The following TRPM3 variants were observed in gnomAD, a reference collection of about 807,000 sequenced individuals.
The protein encoded by TRPM3 is long transient receptor potential channel 3.
A neutral mutation model predicts 181.2 loss-of-function variants in TRPM3; 77 were observed. The observed-to-expected ratio is 0.42, with a 90% CI of 0.35 to 0.51. The LOEUF (loss-of-function observed/expected upper bound fraction) is 0.51, where lower values mean the gene tolerates loss of function less well. Ranked by LOEUF, TRPM3 falls within the 20% of genes least tolerant of loss-of-function variation. The probability of loss-of-function intolerance (pLI) is 0.01; values close to 1 mark genes in which losing one functional copy is unlikely to be tolerated. For missense variants in TRPM3, 1,759 were observed against 2,196.7 expected (o/e 0.80, Z 3.98); for synonymous variants, 745 against 796.4 (o/e 0.94, Z 1.09).
intron 1 of TRPM3, among the ~76,000 whole-genome samples, chr9:71,116,806 A>G (rs2134301990): frequency 6.6e-6 from 1 of 152,334 alleles, no homozygotes; most frequent in South Asian, 2.1e-4. Context: ...AAGGCAGGGT[A>G]TATAACAAAA....
chr9:70,991,052 T>C (rs1424745179), intron 1 of TRPM3, among the ~76,000 whole-genome samples: 1 of 152,174 alleles, frequency 6.6e-6, no homozygotes, highest in African/African-American at 2.4e-5. Flanking sequence ...GGCTTTCTCA[T>C]CTCTCACCTG....
At chr9:70,969,756 T>TTATA (rs78938143) in intron 1 of TRPM3, among the ~76,000 whole-genome samples, 1,648 of 126,572 alleles carry the variant, frequency 0.013, 34 homozygotes, top group African/African-American at 0.015. Context: ...CTGAATGATT[T>TTATA]TATATATATA....
At chr9:71,389,273 A>G (rs2093001435) in intron 1 of TRPM3, among the ~76,000 whole-genome samples, 1 of 152,096 alleles carries the variant, frequency 6.6e-6, no homozygotes, top group Non-Finnish European at 1.5e-5. Context: ...TCAAAACCAC[A>G]ATGTGATACC....
rs755967584 is a variant in TRPM3, at chr9:71,194,109, T to C, written c.183+252544A>G. On this transcript the variant is annotated intron_variant, in intron 1 of 24. Transcript: ENST00000357533. ...TGTAATTTGTCACCATAATGGGTAG[T>C]TTGAATCAGATTCCCTCCATTCCCA... is the stretch of plus-strand genomic sequence containing the variant. Among the ~76,000 whole-genome samples the C allele has an allele frequency of 9.3e-4, 142 of 151,970 alleles. 3 individuals are homozygous for C. The highest frequency in any genetic ancestry group is 2.2e-4 in the Non-Finnish European group (15 of 67,920).
Position 70,552,891 on chromosome 9 carries a change from C to T in TRPM3, c.3527G>A (p.Arg1176Gln), listed in dbSNP as rs764458021. 57 of 1,614,018 alleles carry T rather than the reference C, an allele frequency of 3.5e-5. No individual in the cohort carries two copies. Among genetic ancestry groups the T allele is most frequent in the Non-Finnish European group, 3.9e-5 (46 of 1,180,036 alleles). ...MTMIFQHLCC[R>Q]WRKHESDPDE... ...CGGGTCGCTCTCGTGTTTCCTCCAT[C>T]GGCAGCACAGGTGCTGGAATATCAT... Residue 1176 changes from arginine (R) to glutamine (Q), a missense_variant, in exon 24 of 26, where the codon CGA (arginine) becomes CAA (glutamine). By Grantham distance (43) the Arg-to-Gln change is conservative. Around this residue, in one of 8 missense-constraint regions of TRPM3, gnomAD observed 96 missense variants for 129.6 expected, o/e 0.74. Coordinates refer to ENST00000677713, the MANE Select transcript of TRPM3 (RefSeq NM_001366145.2).
chr9:71,081,838 A>G (rs2064398376), intron 1 of TRPM3, among the ~76,000 whole-genome samples: 1 of 152,200 alleles, frequency 6.6e-6, no homozygotes, highest in Admixed American at 6.6e-5. Context: ...GAAAGTGTAC[A>G]AACATCTGTC....
At chr9:71,283,803 T>A (rs1190383026) in intron 1 of TRPM3, among the ~76,000 whole-genome samples, 1 of 152,220 alleles carries the variant, frequency 6.6e-6, no homozygotes, top group Admixed American at 6.5e-5. Flanking sequence ...CTACCACCCC[T>A]CTTCAGGAGT....
intron 1 of TRPM3, among the ~76,000 whole-genome samples, chr9:71,161,759 G>C (rs1342629313): frequency 6.6e-6 from 1 of 152,092 alleles, no homozygotes; most frequent in Non-Finnish European, 1.5e-5. Context: ...CTTTAAGAAA[G>C]ATGCTACATT....
intron 1 of TRPM3, among the ~76,000 whole-genome samples, chr9:71,004,723 A>G (rs2097654852): frequency 6.6e-6 from 1 of 152,228 alleles, no homozygotes; most frequent in East Asian, 1.9e-4. Context: ...ATGTGGATAG[A>G]TAACTAAATG....
intron 1 of TRPM3, among the ~76,000 whole-genome samples, chr9:70,938,889 C>T (rs2096856333): frequency 6.6e-6 from 1 of 150,938 alleles, no homozygotes; most frequent in African/African-American, 2.4e-5. Context: ...ACCTGGGAGG[C>T]AGAGCTTGCA....
chr9:71,365,133 T>C (rs1222520338), intron 1 of TRPM3, among the ~76,000 whole-genome samples: 1 of 152,174 alleles, frequency 6.6e-6, no homozygotes, highest in Non-Finnish European at 1.5e-5. Flanking sequence ...TTTAGTGCAA[T>C]GTAGACAGAC....
intron 1 of TRPM3, among the ~76,000 whole-genome samples, chr9:70,990,284 AAAC>A (rs984951455): frequency 1.3e-5 from 2 of 152,190 alleles, no homozygotes; most frequent in African/African-American, 4.8e-5. Flanking sequence ...TACAGGCATG[AAAC>A]AACAATACAT....
intron 1 of TRPM3, among the ~76,000 whole-genome samples, chr9:71,177,648 T>C (rs1011829714): frequency 1.1e-4 from 16 of 152,254 alleles, no homozygotes; most frequent in African/African-American, 3.4e-4. Flanking sequence ...TCTTTTCACA[T>C]ACTTAAATAT....
rs553963797 is a variant in TRPM3 at position 71,239,485 on chromosome 9, G to A, written c.183+207168C>T. 5.3e-5 allele frequency among the ~76,000 whole-genome samples: 8 copies of A among 152,150 alleles called. No individual in the cohort carries two copies. The South Asian group carries it at 1.7e-3, about 32-fold the overall frequency. ...GCCTGCTCCAAGTAATACACACAAT[G>A]ATCCGAGTAGTTTTTTAATCATTAA... is the stretch of plus-strand genomic sequence containing the variant. On this transcript the variant is annotated intron_variant, in intron 1 of 24. Transcript: ENST00000357533.
intron 1 of TRPM3, among the ~76,000 whole-genome samples, chr9:71,108,679 G>A (rs1311947052): frequency 6.6e-6 from 1 of 152,170 alleles, no homozygotes; most frequent in Non-Finnish European, 1.5e-5. Context: ...TAAAGTAGAT[G>A]GGCCAAGAGA....
chr9:71,368,010 G>A (rs1305942576), intron 1 of TRPM3, among the ~76,000 whole-genome samples: 1 of 151,090 alleles, frequency 6.6e-6, no homozygotes, highest in Admixed American at 6.6e-5. Flanking sequence ...ACATGTGAGT[G>A]TATGTGTACA....
chr9:71,171,362 C>T (rs911544121), intron 1 of TRPM3, among the ~76,000 whole-genome samples: 7 of 152,110 alleles, frequency 4.6e-5, no homozygotes, highest in African/African-American at 1.7e-4. Flanking sequence ...TTTTGAAAAT[C>T]CCTAATAAAA....
chr9:71,403,628 A>G (rs2093383073), intron 1 of TRPM3, among the ~76,000 whole-genome samples: 1 of 152,178 alleles, frequency 6.6e-6, no homozygotes, highest in African/African-American at 2.4e-5. Context: ...TGCTTGATGA[A>G]TGAGCAAACA....
intron 1 of TRPM3, among the ~76,000 whole-genome samples, chr9:70,901,372 C>A (rs1456208847): frequency 6.6e-6 from 1 of 152,114 alleles, no homozygotes; most frequent in African/African-American, 2.4e-5. Context: ...AATAGAAAGG[C>A]ACACATTCTA....
Sources: allele counts gnomAD v4.1 joint callset (sites outside exome capture counted in the v4.1 genomes callset), GRCh38; gene constraint gnomAD v4.1.1; regional missense constraint gnomAD v4.1.1; transcripts MANE v1.5; gene names NCBI Gene and HGNC (gene_info 2026-07-23, HGNC 2026-07-21).